The following CCDC126 variants were observed in gnomAD, a reference collection of about 807,000 sequenced individuals.
CCDC126 encodes coiled-coil domain containing 126.
Under a neutral mutation model 11.7 loss-of-function variants are expected in CCDC126, and 5 were observed. The ratio of observed to expected loss-of-function variants is 0.43; its 90% confidence interval spans 0.22 to 0.90. The LOEUF (loss-of-function observed/expected upper bound fraction) is 0.90, where lower values mean the gene tolerates loss of function less well. CCDC126 is among the 40% of genes least tolerant of loss of function. The probability of loss-of-function intolerance (pLI) is 0.27; values close to 1 mark genes in which losing one functional copy is unlikely to be tolerated. For synonymous variants in CCDC126, 60 were observed against 61.9 expected, an observed-to-expected ratio of 0.97 and a Z score of 0.14; for missense variants, 150 against 163.1, an observed-to-expected ratio of 0.92 and a Z score of 0.44.
At chr7:23,638,289 G>A (rs1198645102) in intron 3 of CCDC126, among the ~76,000 whole-genome samples, 1 of 150,104 alleles carries the variant, frequency 6.7e-6, no homozygotes, top group Non-Finnish European at 1.5e-5. Context: ...GAAGGGTGGG[G>A]AAAAAATTGA....
intron 3 of CCDC126, among the ~76,000 whole-genome samples, chr7:23,621,486 T>C (rs543582719): frequency 5.9e-5 from 9 of 152,268 alleles, no homozygotes; most frequent in East Asian, 5.8e-4. Flanking sequence ...TGGGCTGAGA[T>C]GATGGGGTTT....
intron 3 of CCDC126, among the ~76,000 whole-genome samples, chr7:23,636,965 CGCCCCT>C (rs1783238770): frequency 1.6e-5 from 1 of 63,578 alleles, no homozygotes. Flanking sequence ...TCTGCCCGGC[CGCCCCT>C]ACTGGGAAGT....
At chr7:23,600,614 C>T (rs934024898) in intron 2 of CCDC126, among the ~76,000 whole-genome samples, 9 of 152,204 alleles carry the variant, frequency 5.9e-5, no homozygotes, top group East Asian at 3.9e-4. Context: ...GGCAGTAGTT[C>T]TTCTAGTACC....
At chr7:23,613,396 C>T (rs1445376879) in intron 3 of CCDC126, among the ~76,000 whole-genome samples, 4 of 151,998 alleles carry the variant, frequency 2.6e-5, no homozygotes. Context: ...GTTTTTTCTA[C>T]TCCCAAAAGT....
At chr7:23,601,342 G>A (rs1430646304) in intron 2 of CCDC126, among the ~76,000 whole-genome samples, 1 of 152,142 alleles carries the variant, frequency 6.6e-6, no homozygotes, top group Non-Finnish European at 1.5e-5. Context: ...GTGAGCTATG[G>A]CCACTGCATT....
At chr7:23,636,315 GCCCCC>G in intron 3 of CCDC126, among the ~76,000 whole-genome samples, 1 of 151,290 alleles carries the variant, frequency 6.6e-6, no homozygotes, top group Non-Finnish European at 1.5e-5. Flanking sequence ...TCTCTGCCTG[GCCCCC>G]CATCGTCTGG....
At chr7:23,630,309 G>A (rs992620652) in intron 3 of CCDC126, among the ~76,000 whole-genome samples, 1 of 151,202 alleles carries the variant, frequency 6.6e-6, no homozygotes, top group Non-Finnish European at 1.5e-5. Flanking sequence ...GACCAGCCTG[G>A]CCAAAAAGGT....
intron 3 of CCDC126, among the ~76,000 whole-genome samples, chr7:23,641,265 T>C (rs765726183): frequency 3.9e-5 from 6 of 152,224 alleles, no homozygotes; most frequent in African/African-American, 7.2e-5. Flanking sequence ...CCAGTGATAT[T>C]GAACATCTTT....
chr7:23,643,602 T>C lies in CCDC126; in HGVS notation c.*487T>C, dbSNP rs1783404786. The stretch of plus-strand genomic sequence containing the variant: ...GTACTATATTTTGTTATTCCAATTA[T>C]GAGCAGAGAAAGGAAATATAATGTT... On this transcript the variant is annotated 3_prime_UTR_variant, in exon 4 of 4. Transcript: ENST00000307471. 1 of 152,816 alleles carries C rather than the reference T, an allele frequency of 6.5e-6. No individual in the cohort carries two copies. The highest frequency in any genetic ancestry group is 2.4e-5 in the African/African-American group (1 of 41,462). The allele number at this position is 152,816 out of a possible 1,614,324, so 9.5% of individuals were successfully genotyped here.
chr7:23,599,364 A>AG, intron 2 of CCDC126, among the ~76,000 whole-genome samples: 1 of 152,136 alleles, frequency 6.6e-6, no homozygotes, highest in Non-Finnish European at 1.5e-5. Flanking sequence ...CAGAGATGCT[A>AG]GCCTAGTTGG....
chr7:23,603,541 A>G (rs1352929313), intron 2 of CCDC126, among the ~76,000 whole-genome samples: 2 of 152,234 alleles, frequency 1.3e-5, no homozygotes, highest in South Asian at 4.1e-4. Flanking sequence ...ATTCTGGACC[A>G]GTAGGATTTC....
At chr7:23,600,490 T>G (rs1440750328) in intron 2 of CCDC126, among the ~76,000 whole-genome samples, 1 of 151,956 alleles carries the variant, frequency 6.6e-6, no homozygotes, top group Non-Finnish European at 1.5e-5. Context: ...GGAGGACTTT[T>G]TTTTGGGTCG....
chr7:23,637,456 A>G (rs1584218774), intron 3 of CCDC126, among the ~76,000 whole-genome samples: 1 of 80,198 alleles, frequency 1.2e-5, no homozygotes, highest in African/African-American at 4.7e-5. Context: ...CCGCCCGGCC[A>G]GCCGCCCCAT....
intron 3 of CCDC126, among the ~76,000 whole-genome samples, chr7:23,629,673 C>A (rs895462047): frequency 5.3e-5 from 8 of 151,090 alleles, no homozygotes; most frequent in Non-Finnish European, 8.8e-5. Flanking sequence ...GTGAAAAATA[C>A]AATTAAATTA....
chr7:23,633,963 TTAA>T (rs767001625), intron 3 of CCDC126, among the ~76,000 whole-genome samples: 1 of 152,236 alleles, frequency 6.6e-6, no homozygotes, highest in African/African-American at 2.4e-5. Flanking sequence ...TTGAAAAATA[TTAA>T]TAAGGAAAAG....
chr7:23,635,945 C>G (rs1453210471), intron 3 of CCDC126, among the ~76,000 whole-genome samples: 1 of 152,140 alleles, frequency 6.6e-6, no homozygotes, highest in Non-Finnish European at 1.5e-5. Context: ...CAAAGCTGGA[C>G]GGTACTGCTG....
At chr7:23,631,233 C>CA (rs796669606) in intron 3 of CCDC126, among the ~76,000 whole-genome samples, 24 of 148,722 alleles carry the variant, frequency 1.6e-4, no homozygotes, top group African/African-American at 4.7e-4. Context: ...TTAATAGGGT[C>CA]AAAAAAAAGG....
intron 3 of CCDC126, among the ~76,000 whole-genome samples, chr7:23,636,555 C>T (rs1183745475): frequency 5.3e-5 from 7 of 130,852 alleles, no homozygotes; most frequent in Non-Finnish European, 1.1e-4. Context: ...GGGCCGCAAC[C>T]CTGTCTGGGA....
At chr7:23,633,631 A>G (rs1464414959) in intron 3 of CCDC126, among the ~76,000 whole-genome samples, 1 of 152,148 alleles carries the variant, frequency 6.6e-6, no homozygotes. Context: ...TGGGAGGCCA[A>G]GGAGGGAGGA....
Sources: allele counts gnomAD v4.1 joint callset (sites outside exome capture counted in the v4.1 genomes callset), GRCh38; gene constraint gnomAD v4.1.1; transcripts MANE v1.5; gene names NCBI Gene and HGNC (gene_info 2026-07-23, HGNC 2026-07-21).